The following MAOB variants were observed in gnomAD, a reference collection of about 807,000 sequenced individuals.
The protein encoded by MAOB is monoamine oxidase B, also known as amine oxidase [flavin-containing] B.
In MAOB, 15 loss-of-function variants were observed where a neutral mutation model predicts 41.9. That is an observed-to-expected ratio of 0.36 (90% CI 0.24 to 0.55). MAOB has a LOEUF of 0.55. MAOB is among the 20% of genes least tolerant of loss of function. The probability of loss-of-function intolerance (pLI) is 0.86; values close to 1 mark genes in which losing one functional copy is unlikely to be tolerated. For missense variants in MAOB, 345 were observed against 398.7 expected (o/e 0.87, Z 1.15); for synonymous variants, 167 against 144.2 (o/e 1.16, Z -1.13).
chrX:43,836,782 A>G (rs1247589760), intron 3 of MAOB, among the ~76,000 whole-genome samples: 1 of 112,397 alleles, frequency 8.9e-6, no homozygotes, highest in Admixed American at 9.4e-5. Flanking sequence ...TCATAATTAA[A>G]AAGCAGTAAG....
chrX:43,801,126 CT>C (rs543914966), intron 5 of MAOB, among the ~76,000 whole-genome samples: 1,680 of 100,658 alleles, frequency 0.017, 31 homozygotes, highest in African/African-American at 0.045. Flanking sequence ...CCTCTCTCTT[CT>C]TTTTTTTTTT....
chrX:43,875,059 T>A (rs2035431292), intron 1 of MAOB, among the ~76,000 whole-genome samples: 1 of 112,147 alleles, frequency 8.9e-6, no homozygotes, highest in Admixed American at 9.5e-5. Context: ...GCTTTCTGTA[T>A]CTTTATTTAC....
chrX:43,817,090 CTTT>C (rs2034823823), intron 3 of MAOB, among the ~76,000 whole-genome samples: 2 of 108,313 alleles, frequency 1.8e-5, no homozygotes, highest in Non-Finnish European at 3.8e-5. Context: ...TCTTCTTCTT[CTTT>C]TCTCTTTTCT....
intron 1 of MAOB, among the ~76,000 whole-genome samples, chrX:43,845,595 G>A (rs57143956): frequency 0.014 from 1,603 of 111,912 alleles, 37 homozygotes; most frequent in African/African-American, 0.05. Context: ...TGTATTCACA[G>A]CCATTATACA....
At chrX:43,794,124 C>T (rs1222948256) in intron 7 of MAOB, among the ~76,000 whole-genome samples, 1 of 111,875 alleles carries the variant, frequency 8.9e-6, no homozygotes, top group Non-Finnish European at 1.9e-5. Flanking sequence ...ATCTGCCCAC[C>T]TTGGCCTCCC....
At chrX:43,803,103 C>T (rs2034616820) in intron 4 of MAOB, among the ~76,000 whole-genome samples, 197 bp downstream of exon 4, 1 of 111,720 alleles carries the variant, frequency 9.0e-6, no homozygotes, top group Non-Finnish European at 1.9e-5. Context: ...GCCCACTCAT[C>T]AGTAGTATAC....
chrX:43,808,688 A>AGACAC (rs1569218490), intron 3 of MAOB, among the ~76,000 whole-genome samples: 4 of 99,448 alleles, frequency 4.0e-5, no homozygotes, highest in East Asian at 6.0e-4. Flanking sequence ...CTATATCTAT[A>AGACAC]TCTACACATA....
intron 1 of MAOB, among the ~76,000 whole-genome samples, chrX:43,859,788 C>A (rs960920518): frequency 8.9e-6 from 1 of 112,135 alleles, no homozygotes; most frequent in African/African-American, 3.2e-5. Flanking sequence ...GTTCTGGTAT[C>A]TTCCATCTTC....
In MAOB at chrX:43,775,201, G is replaced by C. The variant is rs1375779979; in HGVS notation, c.1209C>G (p.Pro403=). ...TTCCATATTGAGTCAGGATCCCAGG[G>C]GGGAAATAAGTTGTGTAGCAGCCCC... ...YSGGCYTTYF[P]PGILTQYGRV... The change falls in exon 12 of 15, where the codon CCC becomes CCG. Residue 403 remains proline (P), a synonymous_variant. Coordinates refer to ENST00000378069, the MANE Select transcript of MAOB (RefSeq NM_000898.5). 8.3e-7 allele frequency: 1 copy of C among 1,202,077 alleles called. No homozygotes were observed.
intron 4 of MAOB, 76 bp from the exon 5 acceptor site, chrX:43,802,339 C>A (rs2034605120): frequency 2.8e-6 from 2 of 708,614 alleles, no homozygotes; most frequent in South Asian, 5.4e-5. Context: ...TTGTAATTTT[C>A]CACTTTAAAT....
intron 1 of MAOB, among the ~76,000 whole-genome samples, chrX:43,870,466 G>T (rs1029556709): frequency 1.3e-4 from 15 of 111,174 alleles, no homozygotes; most frequent in Non-Finnish European, 2.6e-4. Flanking sequence ...ACTAAGCACC[G>T]TCTCCAGGCC....
chrX:43,813,775 A>G (rs991480575), intron 3 of MAOB, among the ~76,000 whole-genome samples: 1 of 111,594 alleles, frequency 9.0e-6, no homozygotes, highest in African/African-American at 3.3e-5. Context: ...TGTTCTGGGC[A>G]CTGGAGGAAC....
chrX:43,776,006 T>C (rs1216030898), intron 11 of MAOB, among the ~76,000 whole-genome samples: 1 of 112,399 alleles, frequency 8.9e-6, no homozygotes, highest in Non-Finnish European at 1.9e-5. Context: ...ACAGCTGACT[T>C]TGGACAGTCA....
At chrX:43,776,412 C>T (rs1271628868) in intron 11 of MAOB, among the ~76,000 whole-genome samples, 1 of 112,113 alleles carries the variant, frequency 8.9e-6, no homozygotes, top group Non-Finnish European at 1.9e-5. Flanking sequence ...CAAATGCTTT[C>T]CCCTTCAACT....
intron 8 of MAOB, among the ~76,000 whole-genome samples, chrX:43,787,264 G>A (rs1490099904): frequency 9.0e-6 from 1 of 111,492 alleles, no homozygotes; most frequent in Admixed American, 9.6e-5. Flanking sequence ...CTTTTGTAAT[G>A]TAGGGGTGTG....
intron 13 of MAOB, 61 bp downstream of exon 13, chrX:43,769,246 G>C (rs946747063): frequency 9.1e-7 from 1 of 1,096,582 alleles, no homozygotes; most frequent in African/African-American, 1.9e-5. Flanking sequence ...AGATATCTTT[G>C]ACCTACATGT....
chrX:43,870,093 T>C (rs1212647167), intron 1 of MAOB, among the ~76,000 whole-genome samples: 1 of 112,197 alleles, frequency 8.9e-6, no homozygotes, highest in African/African-American at 3.2e-5. Flanking sequence ...AGGGAAAGAA[T>C]AGAGGTGTGT....
intron 10 of MAOB, among the ~76,000 whole-genome samples, chrX:43,779,670 A>G (rs368772858): frequency 2.7e-5 from 3 of 111,548 alleles, no homozygotes; most frequent in African/African-American, 9.8e-5. Context: ...TCTAGTGGGG[A>G]CATTTTTAGG....
Position 43,802,168 on chromosome X carries a change from T to C in MAOB, c.476+4A>G. On this transcript the variant is annotated splice_donor_region_variant and intron_variant, in intron 5 of 14. Transcript: ENST00000378069. ...AAATGCCTGTGCCTAATGGCAAGACTTACTCAGTCCAGCAGAGCTTGTCCA... is the reference window on the plus strand; with the variant it reads ...AAATGCCTGTGCCTAATGGCAAGACCTACTCAGTCCAGCAGAGCTTGTCCA... 1 of 1,201,371 alleles carries C rather than the reference T, an allele frequency of 8.3e-7. No homozygotes were observed. Among genetic ancestry groups the C allele is most frequent in the Non-Finnish European group, 1.1e-6 (1 of 887,727 alleles).
Sources: allele counts gnomAD v4.1 joint callset (sites outside exome capture counted in the v4.1 genomes callset), GRCh38; gene constraint gnomAD v4.1.1; transcripts MANE v1.5; gene names NCBI Gene and HGNC (gene_info 2026-07-23, HGNC 2026-07-21).